SLAIN1: variants seen among roughly 807,000 people sequenced by gnomAD.
SLAIN1 encodes SLAIN motif-containing protein 1.
Under a neutral mutation model 55.4 loss-of-function variants are expected in SLAIN1, and 17 were observed. The ratio of observed to expected loss-of-function variants is 0.31; its 90% CI spans 0.21 to 0.46. SLAIN1 has a LOEUF of 0.46. Ranked by LOEUF, SLAIN1 falls within the 20% of genes least tolerant of loss-of-function variation. The pLI is 1.00. For synonymous variants in SLAIN1, 348 were observed against 337.4 expected (o/e 1.03, Z -0.35); for missense variants, 682 against 785.1 (o/e 0.87, Z 1.57).
intron 1 of SLAIN1, among the ~76,000 whole-genome samples, chr13:77,712,085 A>G (rs1310568707): frequency 6.6e-6 from 1 of 152,206 alleles, no homozygotes; most frequent in East Asian, 1.9e-4. Flanking sequence ...AATAAGAGCT[A>G]TTTATGACAA....
chr13:77,762,911 A>T lies in SLAIN1; in HGVS notation c.1698-234A>T, dbSNP rs17068290. Among the ~76,000 whole-genome samples the T allele has an allele frequency of 6.1e-3, 930 of 152,262 alleles. 6 individuals carry two copies. The highest frequency in any genetic ancestry group is 0.021 in the African/African-American group (876 of 41,556). ...GTATTGGCCCCTTTATTTATGTTGC[A>T]AATTTTCTTGTGCAAATACAACATG... On this transcript the variant is annotated intron_variant, in intron 6 of 6. Transcript: ENST00000418532.
At chr13:77,744,763 C>T (rs1483011345) in intron 3 of SLAIN1, among the ~76,000 whole-genome samples, 4 of 152,032 alleles carry the variant, frequency 2.6e-5, no homozygotes, top group Non-Finnish European at 4.4e-5. Flanking sequence ...AGTGGAAATT[C>T]GTGTTTACAC....
At chr13:77,724,826 G>A (rs2091293098) in intron 2 of SLAIN1, among the ~76,000 whole-genome samples, 1 of 152,048 alleles carries the variant, frequency 6.6e-6, no homozygotes, top group South Asian at 2.1e-4. Flanking sequence ...TGCCATGTTG[G>A]TGTGCTGCAC....
intron 1 of SLAIN1, among the ~76,000 whole-genome samples, chr13:77,707,206 T>C (rs2091098875): frequency 6.6e-6 from 1 of 152,186 alleles, no homozygotes; most frequent in Non-Finnish European, 1.5e-5. Context: ...ATCTGTCTTA[T>C]CCCATTGCTA....
chr13:77,736,785 C>G (rs1873141427), intron 2 of SLAIN1, among the ~76,000 whole-genome samples: 1 of 150,688 alleles, frequency 6.6e-6, no homozygotes, highest in African/African-American at 2.4e-5. Context: ...AACTCTTCTG[C>G]ATTAGTCTTT....
At chr13:77,754,333 G>A (rs556080708) in intron 5 of SLAIN1, among the ~76,000 whole-genome samples, 1 of 152,254 alleles carries the variant, frequency 6.6e-6, no homozygotes, top group Admixed American at 6.5e-5. Context: ...CTCTGTACAA[G>A]GAACTGTGCT....
chr13:77,746,933 GTT>G, intron 4 of SLAIN1, 78 bp downstream of exon 4: 1 of 1,309,126 alleles, frequency 7.6e-7, no homozygotes, highest in Non-Finnish European at 1.0e-6. Flanking sequence ...TTGTGTTTTT[GTT>G]TTTGTTTTTG....
chr13:77,725,473 T>C (rs2091299236), intron 2 of SLAIN1, among the ~76,000 whole-genome samples: 1 of 152,202 alleles, frequency 6.6e-6, no homozygotes, highest in South Asian at 2.1e-4. Flanking sequence ...TCTCATACTC[T>C]TAACTCTTTC....
intron 2 of SLAIN1, among the ~76,000 whole-genome samples, chr13:77,725,256 A>G (rs927881304): frequency 5.9e-5 from 9 of 152,202 alleles, no homozygotes; most frequent in African/African-American, 2.2e-4. Flanking sequence ...TTACTCTAAA[A>G]CAGTCACTTT....
At chr13:77,705,151 A>T (rs1017856450) in intron 1 of SLAIN1, among the ~76,000 whole-genome samples, 3 of 151,800 alleles carry the variant, frequency 2.0e-5, no homozygotes, top group African/African-American at 7.2e-5. Flanking sequence ...ATGACTTTAG[A>T]ACCAAATATT....
At chr13:77,738,284 C>T (rs1387991624) in intron 2 of SLAIN1, among the ~76,000 whole-genome samples, 2 of 151,316 alleles carry the variant, frequency 1.3e-5, no homozygotes, top group East Asian at 3.9e-4. Context: ...ATTTTTTTCT[C>T]AGGTACACGG....
Position 77,697,785 on chromosome 13 carries a change from G to GC in SLAIN1, c.-127dup. On this transcript the variant is annotated 5_prime_UTR_variant, in exon 1 of 7. An upstream open reading frame in the 5' UTR loses its in-frame stop. Coordinates refer to ENST00000418532, the MANE Select transcript of SLAIN1 (RefSeq NM_001242868.2). ...GGTGCTGATGCGAACCGCCGGCTCGGCCTCAGCCCGCGCGTGGTCGGCCCC... is the reference window on the plus strand; with the variant it reads ...GGTGCTGATGCGAACCGCCGGCTCGGCCCTCAGCCCGCGCGTGGTCGGCCCC... 1 of 1,019,106 alleles carries GC rather than the reference G, an allele frequency of 9.8e-7. No individual in the cohort carries two copies. Among genetic ancestry groups the GC allele is most frequent in the Non-Finnish European group, 1.2e-6 (1 of 815,782 alleles). 63.1% of individuals were successfully genotyped at this position (1,019,106 alleles called of 1,614,324 possible).
intron 5 of SLAIN1, among the ~76,000 whole-genome samples, chr13:77,759,893 T>C (rs1158285088): frequency 1.3e-5 from 2 of 152,142 alleles, no homozygotes; most frequent in African/African-American, 4.8e-5. Flanking sequence ...GGAAAAAAAA[T>C]TTAAGGAAAA....
intron 1 of SLAIN1, among the ~76,000 whole-genome samples, chr13:77,705,918 C>T (rs1156724299): frequency 6.6e-6 from 1 of 152,032 alleles, no homozygotes; most frequent in Admixed American, 6.6e-5. Context: ...CTATCCTGCT[C>T]ACTGTCAGGA....
At position 77,742,357 on chromosome 13, in the gene SLAIN1, C is replaced by T. The variant is rs564347288; in HGVS notation, c.767-1926C>T. 2.1e-4 allele frequency among the ~76,000 whole-genome samples: 32 copies of T among 151,400 alleles called. No homozygotes were observed. In the East Asian group the frequency reaches 2.5e-3, roughly 12 times the overall value. On this transcript the variant is annotated intron_variant, in intron 2 of 6. Transcript: ENST00000418532. ...GGAAGTTTTTTTTAAAGAAAAAATCCGAGTGATCACCAATAGTCTCTGTAC... is the reference window on the plus strand; with the variant it reads ...GGAAGTTTTTTTTAAAGAAAAAATCTGAGTGATCACCAATAGTCTCTGTAC...
chr13:77,744,425 A>G lies in SLAIN1; in HGVS notation c.909A>G (p.Gln303=). ...ATGTTCAGATCATGGCTCGTCTGCA[A>G]GAAGAAAGTATGTGTTCTTTCTAAA... ...LTDVQIMARL[Q]EESLRQDYAS... is the part of the protein sequence containing the mutation. Residue 303 remains glutamine, a synonymous_variant, in exon 3 of 7, where the codon CAA becomes CAG. Transcript: ENST00000418532. 1 of 1,611,346 alleles carries G rather than the reference A, an allele frequency of 6.2e-7. No individual in the cohort carries two copies. Among genetic ancestry groups the G allele is most frequent in the Non-Finnish European group, 8.5e-7 (1 of 1,179,232 alleles).
At position 77,732,789 on chromosome 13, in the gene SLAIN1, G is replaced by A. The variant is rs911460603; in HGVS notation, c.767-11494G>A. 2.6e-5 allele frequency among the ~76,000 whole-genome samples: 4 copies of A among 152,006 alleles called. No homozygotes were observed. The South Asian group carries it at 8.3e-4, about 31-fold the overall frequency. ...CTGGATTTGATCTGGTGTGCTTAAA[G>A]CTGTTGTCTTATCTTCAGTTTTGAC... On this transcript the variant is annotated intron_variant, in intron 2 of 6. Coordinates refer to ENST00000418532, the MANE Select transcript of SLAIN1 (RefSeq NM_001242868.2).
intron 2 of SLAIN1, chr13:77,741,213 C>T: frequency 1.0e-6 from 1 of 985,826 alleles, no homozygotes; most frequent in Non-Finnish European, 1.2e-6. Flanking sequence ...ATCTGTTAGG[C>T]AAGATAGCAG....
chr13:77,736,512 C>A (rs1026529465), intron 2 of SLAIN1, among the ~76,000 whole-genome samples: 1 of 152,110 alleles, frequency 6.6e-6, no homozygotes, highest in African/African-American at 2.4e-5. Context: ...GCCTTATACT[C>A]CTCAAGCTAC....
Sources: allele counts gnomAD v4.1 joint callset (sites outside exome capture counted in the v4.1 genomes callset), GRCh38; gene constraint gnomAD v4.1.1; transcripts MANE v1.5; gene names NCBI Gene and HGNC (gene_info 2026-07-23, HGNC 2026-07-21).